DOCK2: variants seen among roughly 807,000 people sequenced by gnomAD.
DOCK2 encodes dedicator of cytokinesis protein 2.
DOCK2 carries 87 observed loss-of-function variants against 248.9 expected under a neutral mutation model. The observed-to-expected ratio is 0.35, with a 90% CI of 0.29 to 0.42. DOCK2 has a LOEUF of 0.42. DOCK2 is among the 10% of genes least tolerant of loss of function. The pLI, the probability that DOCK2 is intolerant of heterozygous loss-of-function variation, is 1.00. For missense variants in DOCK2, 1,747 were observed against 2,300.2 expected, an observed-to-expected ratio of 0.76 and a Z score of 4.92; for synonymous variants, 805 against 821.6, an observed-to-expected ratio of 0.98 and a Z score of 0.35.
chr5:169,685,867 A>G (rs1759943780), intron 8 of DOCK2, among the ~76,000 whole-genome samples: 1 of 152,252 alleles, frequency 6.6e-6, no homozygotes, highest in South Asian at 2.1e-4. Flanking sequence ...CAGAGCTGGG[A>G]TTTATATACA....
chr5:170,050,166 C>T (rs10068701), intron 40 of DOCK2, 90 bp from the exon 41 acceptor site: 44,498 of 1,518,706 alleles, frequency 0.029, 2,873 homozygotes, highest in African/African-American at 0.26. Flanking sequence ...CCCCATGGAC[C>T]GTGGTCATTT....
In DOCK2 at chr5:169,698,242, C is replaced by T. The variant is rs1207036679; in HGVS notation, c.980-132C>T. ...CTGAGTGTTGTGCAGCACTGGCTTG[C>T]TTGCCATTTTAGGCCTTCCTGACCC... is the stretch of plus-strand genomic sequence containing the variant. On this transcript the variant is annotated intron_variant, in intron 10 of 51. Coordinates refer to ENST00000520908, the MANE Select transcript of DOCK2 (RefSeq NM_004946.3). 24 of 762,166 alleles carry T rather than the reference C, an allele frequency of 3.1e-5. No individual in the cohort carries two copies. In the Middle Eastern group the frequency reaches 7.5e-4, roughly 24 times the overall value. 47.2% of individuals were successfully genotyped at this position (762,166 alleles called of 1,614,324 possible). A position where few individuals can be genotyped will look rare whatever the true frequency, so the allele number is the denominator to read the frequency against.
At chr5:169,965,010 C>A (rs1446520742) in intron 27 of DOCK2, among the ~76,000 whole-genome samples, 1 of 152,190 alleles carries the variant, frequency 6.6e-6, no homozygotes, top group Admixed American at 6.5e-5. Flanking sequence ...AGGTCTGATT[C>A]CCTTTTGAAT....
At chr5:169,889,712 A>C (rs1054089499) in intron 27 of DOCK2, among the ~76,000 whole-genome samples, 3 of 152,246 alleles carry the variant, frequency 2.0e-5, no homozygotes, top group Non-Finnish European at 4.4e-5. Flanking sequence ...CAGATCTGCC[A>C]TTGTGGCAAG....
At chr5:170,031,474 G>A (rs1051472930) in intron 34 of DOCK2, among the ~76,000 whole-genome samples, 5 of 152,182 alleles carry the variant, frequency 3.3e-5, no homozygotes, top group South Asian at 2.1e-4. Context: ...ATTCCACTGC[G>A]TGAGGAATTA....
intron 2 of DOCK2, among the ~76,000 whole-genome samples, chr5:169,655,695 G>C (rs1056501890): frequency 1.3e-5 from 2 of 152,094 alleles, no homozygotes; most frequent in Admixed American, 1.3e-4. Context: ...CACACACACA[G>C]ACACACACAA....
chr5:169,912,272 C>T (rs965564626), intron 27 of DOCK2, among the ~76,000 whole-genome samples: 8 of 152,012 alleles, frequency 5.3e-5, no homozygotes, highest in Non-Finnish European at 1.2e-4. Context: ...GTTGCCCAGG[C>T]TGATGTCAAA....
chr5:169,927,054 C>A (rs548403410), intron 27 of DOCK2, among the ~76,000 whole-genome samples: 19 of 152,284 alleles, frequency 1.2e-4, no homozygotes, highest in African/African-American at 4.6e-4. Flanking sequence ...GGGTGCCAGA[C>A]CAATATGGTA....
intron 27 of DOCK2, chr5:169,934,850 G>A (rs1775916263): frequency 1.3e-5 from 5 of 388,382 alleles, no homozygotes; most frequent in Non-Finnish European, 2.1e-5. Flanking sequence ...GGTAAATAAA[G>A]CATTATACAT....
At chr5:170,069,486 T>G (rs1757606823) in intron 46 of DOCK2, among the ~76,000 whole-genome samples, 1 of 152,180 alleles carries the variant, frequency 6.6e-6, no homozygotes, top group Non-Finnish European at 1.5e-5. Context: ...TATTTGATGT[T>G]GAATTCAGGG....
chr5:170,074,743 C>A (rs972766319), intron 46 of DOCK2, among the ~76,000 whole-genome samples: 8 of 152,300 alleles, frequency 5.3e-5, no homozygotes, highest in African/African-American at 1.9e-4. Flanking sequence ...GGATAAACTC[C>A]TCCTTCTTGG....
Position 169,789,087 on chromosome 5 carries a change from G to A in DOCK2, c.2555-13971G>A, listed in dbSNP as rs1289625143. Reference sequence around the variant, plus strand: ...AGCTCCCACTTATAAGTGAGAACATGTAGTATCTGGTTTTCTGTTCCTGCA... The same window carrying A: ...AGCTCCCACTTATAAGTGAGAACATATAGTATCTGGTTTTCTGTTCCTGCA... On this transcript the variant is annotated intron_variant, in intron 25 of 51. Transcript: ENST00000520908. Among the ~76,000 whole-genome samples the A allele has an allele frequency of 3.9e-5, 6 of 152,294 alleles. No individual in the cohort carries two copies. The South Asian group carries it at 6.2e-4, about 16-fold the overall frequency.
chr5:169,983,979 A>G (rs1778002245), intron 28 of DOCK2, among the ~76,000 whole-genome samples: 1 of 152,252 alleles, frequency 6.6e-6, no homozygotes, highest in Admixed American at 6.5e-5. Flanking sequence ...CTATGTCTTA[A>G]GACATGGAAA....
intron 2 of DOCK2, among the ~76,000 whole-genome samples, chr5:169,654,782 A>G (rs1460652303): frequency 6.6e-6 from 1 of 152,186 alleles, no homozygotes. Context: ...ATTAGTATTA[A>G]TATCACGATA....
chr5:170,023,463 G>C (rs761129669), intron 33 of DOCK2, among the ~76,000 whole-genome samples: 2 of 152,022 alleles, frequency 1.3e-5, no homozygotes, highest in Non-Finnish European at 2.9e-5. Flanking sequence ...ACTGTTGTTT[G>C]GATTCAGATA....
At chr5:169,852,849 A>G (rs1409472869) in intron 27 of DOCK2, among the ~76,000 whole-genome samples, 2 of 152,198 alleles carry the variant, frequency 1.3e-5, no homozygotes, top group Non-Finnish European at 2.9e-5. Context: ...TGTGAAATAC[A>G]ATAAGGCACA....
At chr5:169,661,097 T>A (rs1758423552) in intron 2 of DOCK2, among the ~76,000 whole-genome samples, 1 of 152,232 alleles carries the variant, frequency 6.6e-6, no homozygotes, top group South Asian at 2.1e-4. Context: ...CTAACTCTTT[T>A]GGACACTGGA....
intron 1 of DOCK2, among the ~76,000 whole-genome samples, chr5:169,649,064 G>T (rs538906833): frequency 6.6e-6 from 1 of 152,354 alleles, no homozygotes; most frequent in African/African-American, 2.4e-5. Context: ...CACTGCTTAC[G>T]CATTTCGATG....
intron 9 of DOCK2, among the ~76,000 whole-genome samples, chr5:169,693,914 A>T (rs546572154): frequency 6.6e-6 from 1 of 152,212 alleles, no homozygotes; most frequent in African/African-American, 2.4e-5. Flanking sequence ...GCCCACGGAC[A>T]TTATAGAACG....
Sources: gnomAD v4.1 joint callset for allele counts (sites outside exome capture counted in the v4.1 genomes callset) on GRCh38, gnomAD v4.1.1 for gene constraint, MANE v1.5 for transcripts, NCBI Gene and HGNC (gene_info 2026-07-23, HGNC 2026-07-21) for gene names.